HMOX2: variants seen among roughly 807,000 people sequenced by gnomAD.
The protein encoded by HMOX2 is heme oxygenase 2.
A neutral mutation model predicts 33.7 loss-of-function variants in HMOX2; 30 were observed. The observed-to-expected ratio is 0.89, with a 90% CI of 0.67 to 1.21. HMOX2 has a LOEUF of 1.21. HMOX2 is among the 50% of genes most tolerant of loss of function. The pLI is 0.00. For missense variants in HMOX2, 403 were observed against 399.1 expected, an observed-to-expected ratio of 1.01 and a Z score of -0.08; for synonymous variants, 155 against 155.0, an observed-to-expected ratio of 1.00 and a Z score of 0.00.
intron 1 of HMOX2, among the ~76,000 whole-genome samples, chr16:4,476,832 C>G (rs2057860928): frequency 6.6e-6 from 1 of 152,214 alleles, no homozygotes; most frequent in South Asian, 2.1e-4. Context: ...CACGGCTATG[C>G]TGGGCGAGGT....
chr16:4,485,978 C>T (rs1450515465), intron 1 of HMOX2, among the ~76,000 whole-genome samples: 1 of 152,162 alleles, frequency 6.6e-6, no homozygotes, highest in African/African-American at 2.4e-5. Context: ...CCCACCTCAG[C>T]CTCCCAAAGT....
At chr16:4,493,130 C>A (rs1228347164) in intron 1 of HMOX2, among the ~76,000 whole-genome samples, 2 of 152,140 alleles carry the variant, frequency 1.3e-5, no homozygotes, top group Non-Finnish European at 2.9e-5. Context: ...ACCTCCTAGG[C>A]TCAAGTGATC....
At chr16:4,488,358 G>A (rs1056886968) in intron 1 of HMOX2, among the ~76,000 whole-genome samples, 4 of 152,118 alleles carry the variant, frequency 2.6e-5, no homozygotes, top group Non-Finnish European at 5.9e-5. Flanking sequence ...GAACTCTTGG[G>A]AATTAAAGGA....
chr16:4,502,061 C>CA (rs1179269201), intron 1 of HMOX2, among the ~76,000 whole-genome samples: 1 of 152,140 alleles, frequency 6.6e-6, no homozygotes, highest in Non-Finnish European at 1.5e-5. Context: ...CAGCAGATTA[C>CA]AAAAAATTGC....
intron 1 of HMOX2, chr16:4,495,785 G>A (rs1257714861): frequency 6.6e-6 from 1 of 152,170 alleles, no homozygotes; most frequent in African/African-American, 2.4e-5. Flanking sequence ...CTATGGCAGT[G>A]GGTGCTATAG....
chr16:4,507,861 G>A lies in HMOX2; in HGVS notation c.353G>A (p.Gly118Asp). ...ALTKDMEYFF[G>D]ENWEEQVQCP... ...ACCAAGGACATGGAGTATTTCTTTG[G>A]TGAAAACTGGGAGGAGCAGGTGCAG... Residue 118 changes from glycine to aspartate, a missense_variant, in exon 4 of 6, where the codon GGT becomes GAT. Gly to Asp is a moderately conservative substitution (Grantham distance 94). Coordinates refer to ENST00000570646, the MANE Select transcript of HMOX2 (RefSeq NM_002134.4). The A allele has an allele frequency of 6.2e-7, 1 of 1,614,208 alleles. No individual in the cohort carries two copies. Among genetic ancestry groups the A allele is most frequent in the South Asian group, 1.1e-5 (1 of 91,086 alleles).
At chr16:4,481,072 C>T (rs566591364) in intron 1 of HMOX2, among the ~76,000 whole-genome samples, 19 of 151,664 alleles carry the variant, frequency 1.3e-4, no homozygotes, top group South Asian at 1.0e-3. Flanking sequence ...CTGGTCCGGG[C>T]GCGGTGGCTC....
intron 1 of HMOX2, chr16:4,481,657 T>G (rs893565941): frequency 1.3e-5 from 2 of 152,214 alleles, no homozygotes; most frequent in African/African-American, 4.8e-5. Context: ...CCTAACTCTC[T>G]CTCTAGATTG....
At chr16:4,478,765 C>CAA (rs35433748) in intron 1 of HMOX2, among the ~76,000 whole-genome samples, 17 of 86,174 alleles carry the variant, frequency 2.0e-4, no homozygotes, top group African/African-American at 7.3e-4. Flanking sequence ...AACTGCATCT[C>CAA]AAAAAAAAAA....
chr16:4,483,145 G>A (rs1292765584), intron 1 of HMOX2, among the ~76,000 whole-genome samples: 1 of 148,266 alleles, frequency 6.7e-6, no homozygotes, highest in Non-Finnish European at 1.5e-5. Context: ...CTATCCTGAA[G>A]CTAATGCAAA....
intron 1 of HMOX2, among the ~76,000 whole-genome samples, chr16:4,479,077 G>T (rs1157701713): frequency 6.6e-6 from 1 of 152,198 alleles, no homozygotes; most frequent in South Asian, 2.1e-4. Context: ...CTTGAACCTG[G>T]GAGGCAGAGG....
At chr16:4,480,941 A>C (rs2058010642) in intron 1 of HMOX2, among the ~76,000 whole-genome samples, 1 of 149,928 alleles carries the variant, frequency 6.7e-6, no homozygotes, top group Non-Finnish European at 1.5e-5. Context: ...GGCGTGAGCC[A>C]CCGCGCCCGG....
intron 1 of HMOX2, among the ~76,000 whole-genome samples, chr16:4,494,243 G>A (rs1481215452): frequency 6.6e-6 from 1 of 151,904 alleles, no homozygotes; most frequent in African/African-American, 2.4e-5. Flanking sequence ...ATGAACCCGG[G>A]AGGTGGAGCT....
At chr16:4,483,038 T>C (rs961099054) in intron 1 of HMOX2, among the ~76,000 whole-genome samples, 10 of 151,542 alleles carry the variant, frequency 6.6e-5, no homozygotes, top group African/African-American at 1.9e-4. Context: ...AAAAAAAGGA[T>C]ACAGATGAAT....
At chr16:4,503,172 A>G (rs1179401773) in intron 1 of HMOX2, among the ~76,000 whole-genome samples, 2 of 151,998 alleles carry the variant, frequency 1.3e-5, no homozygotes, top group Non-Finnish European at 2.9e-5. Flanking sequence ...TCAAGGTCTG[A>G]AGGCCCATGT....
chr16:4,509,539 G>T lies in HMOX2; in HGVS notation c.823+1G>T. Reference sequence around the variant, plus strand: ...TTCTACGCTGCTGAACAAGACAAAGGTAGGTCTGTGTGTCCTGAGCTCCCC... The same window carrying T: ...TTCTACGCTGCTGAACAAGACAAAGTTAGGTCTGTGTGTCCTGAGCTCCCC... On this transcript the variant is annotated splice_donor_variant, in intron 5 of 5. Transcript: ENST00000570646. LOFTEE classifies it high-confidence loss of function. 1 of 1,614,166 alleles carries T rather than the reference G, an allele frequency of 6.2e-7. No homozygotes were observed. Among genetic ancestry groups the T allele is most frequent in the African/African-American group, 1.3e-5 (1 of 75,038 alleles).
At chr16:4,489,797 A>G (rs912090452) in intron 1 of HMOX2, among the ~76,000 whole-genome samples, 6 of 152,038 alleles carry the variant, frequency 3.9e-5, no homozygotes, top group Non-Finnish European at 8.8e-5. Flanking sequence ...GGGAGGTAGC[A>G]ACAGAGATCT....
chr16:4,502,683 G>C (rs2058587045), intron 1 of HMOX2: 1 of 152,204 alleles, frequency 6.6e-6, no homozygotes, highest in South Asian at 2.1e-4. Context: ...GGGTCCTCAA[G>C]GGTGTACAGC....
At chr16:4,506,874 A>T in intron 2 of HMOX2, 21 bp from the exon 3 acceptor site, 1 of 1,550,352 alleles carries the variant, frequency 6.5e-7, no homozygotes, top group Non-Finnish European at 8.9e-7. Flanking sequence ...TGACACACAA[A>T]CACCTCCCAT....
Sources: allele counts gnomAD v4.1 joint callset (sites outside exome capture counted in the v4.1 genomes callset), GRCh38; gene constraint gnomAD v4.1.1; transcripts MANE v1.5; gene names NCBI Gene and HGNC (gene_info 2026-07-23, HGNC 2026-07-21).